The following AFG2A variants were observed in gnomAD, a reference collection of about 807,000 sequenced individuals.
The protein encoded by AFG2A is AAA ATPase AFG2A, also known as ATPase family gene 2 protein homolog A.
At chr4:123,041,314 G>T in the AFG2A span, among the ~76,000 whole-genome samples, 3 of 139,656 alleles carry the variant, frequency 2.1e-5, no homozygotes, top group Admixed American at 7.4e-5. Context: ...GTAGAGACGG[G>T]GTTTCACCGT....
At chr4:123,025,257 A>G in the AFG2A span, among the ~76,000 whole-genome samples, 3 of 152,210 alleles carry the variant, frequency 2.0e-5, no homozygotes, top group Admixed American at 6.5e-5. Flanking sequence ...ACAAGGAAAA[A>G]TATTAAGCCA....
At chr4:123,178,869 C>T in the AFG2A span, among the ~76,000 whole-genome samples, 20 of 152,178 alleles carry the variant, frequency 1.3e-4, no homozygotes. Context: ...TTTAATTCCA[C>T]ATGCTCCTGT....
At chr4:123,291,087 A>G in the AFG2A span, among the ~76,000 whole-genome samples, 6 of 152,118 alleles carry the variant, frequency 3.9e-5, no homozygotes, top group East Asian at 1.2e-3. Context: ...TTTCGTTTGT[A>G]CTATTATTGA....
the AFG2A span, among the ~76,000 whole-genome samples, chr4:123,182,951 A>G: frequency 6.6e-6 from 1 of 152,252 alleles, no homozygotes; most frequent in East Asian, 1.9e-4. Context: ...TAAGGGGGGA[A>G]GAAAACAGAA....
At chr4:123,200,827 G>A in the AFG2A span, among the ~76,000 whole-genome samples, 5 of 152,322 alleles carry the variant, frequency 3.3e-5, no homozygotes, top group East Asian at 9.6e-4. Flanking sequence ...CACAGCCTTT[G>A]AGTTTCAGCA....
At chr4:122,960,915 C>T in the AFG2A span, among the ~76,000 whole-genome samples, 212 of 152,144 alleles carry the variant, frequency 1.4e-3, 1 homozygote, top group African/African-American at 4.8e-3. Flanking sequence ...ATTCTGTCAA[C>T]GTTGTTTTCT....
the AFG2A span, among the ~76,000 whole-genome samples, chr4:123,157,038 CAG>C: frequency 3.0e-4 from 46 of 151,540 alleles, no homozygotes; most frequent in Admixed American, 6.6e-4. Flanking sequence ...TTTTTTGAGA[CAG>C]AGTCTTGCTC....
At chr4:123,228,713 C>T in the AFG2A span, among the ~76,000 whole-genome samples, 21 of 151,986 alleles carry the variant, frequency 1.4e-4, 1 homozygote, top group Non-Finnish European at 2.8e-4. Flanking sequence ...TAAGAGAAGC[C>T]AAGGGACTTG....
the AFG2A span, chr4:123,315,916 C>T: frequency 6.6e-6 from 1 of 152,220 alleles, no homozygotes; most frequent in Non-Finnish European, 1.5e-5. Flanking sequence ...GTAGCTAGGA[C>T]AACAGGTGCA....
At chr4:123,061,897 G>T in the AFG2A span, among the ~76,000 whole-genome samples, 2 of 152,306 alleles carry the variant, frequency 1.3e-5, no homozygotes, top group Non-Finnish European at 2.9e-5. Context: ...GAGACATCTG[G>T]TTTTGGACCC....
At chr4:122,959,963 T>C in the AFG2A span, among the ~76,000 whole-genome samples, 2 of 152,158 alleles carry the variant, frequency 1.3e-5, no homozygotes, top group African/African-American at 2.4e-5. Flanking sequence ...ATAACAACGT[T>C]TGGTGTTTGT....
the AFG2A span, among the ~76,000 whole-genome samples, chr4:122,946,345 T>C: frequency 6.6e-6 from 1 of 152,262 alleles, no homozygotes; most frequent in African/African-American, 2.4e-5. Flanking sequence ...CTGTTGTGGA[T>C]TAGTATTCTT....
At chr4:123,218,673 A>G in the AFG2A span, among the ~76,000 whole-genome samples, 12 of 152,128 alleles carry the variant, frequency 7.9e-5, no homozygotes, top group Admixed American at 5.9e-4. Context: ...ACATACATAC[A>G]TACATACATA....
chr4:123,096,174 C>CT, the AFG2A span, among the ~76,000 whole-genome samples: 89 of 152,112 alleles, frequency 5.9e-4, 1 homozygote, highest in Non-Finnish European at 1.1e-3. Flanking sequence ...GTCCCCGAGG[C>CT]TTTTTTCTAC....
chr4:122,928,573 C>T, the AFG2A span, among the ~76,000 whole-genome samples: 55 of 152,224 alleles, frequency 3.6e-4, no homozygotes, highest in Middle Eastern at 6.8e-3. Context: ...ATTTTCGCTC[C>T]TCCCTCTTAA....
the AFG2A span, among the ~76,000 whole-genome samples, chr4:123,229,538 A>C: frequency 1.8e-3 from 270 of 152,086 alleles, 1 homozygote; most frequent in Middle Eastern, 0.01. Flanking sequence ...AAGAGTAGAC[A>C]CGAGGATAAA....
chr4:123,060,587 A>G, the AFG2A span, among the ~76,000 whole-genome samples: 1 of 152,242 alleles, frequency 6.6e-6, no homozygotes, highest in South Asian at 2.1e-4. Flanking sequence ...GCTGGGATGC[A>G]GGGCACCAAG....
chr4:123,060,482 C>G, the AFG2A span, among the ~76,000 whole-genome samples: 2 of 152,208 alleles, frequency 1.3e-5, no homozygotes, highest in African/African-American at 4.8e-5. Context: ...ACCGCAGGCT[C>G]AACTCCATGT....
chr4:123,224,379 G>C, the AFG2A span, among the ~76,000 whole-genome samples: 2 of 149,700 alleles, frequency 1.3e-5, no homozygotes, highest in Non-Finnish European at 3.0e-5. Flanking sequence ...TCCCACAACA[G>C]GCCCCGGTGT....
Sources: gnomAD v4.1 joint callset for allele counts (sites outside exome capture counted in the v4.1 genomes callset) on GRCh38, gnomAD v4.1.1 for gene constraint, MANE v1.5 for transcripts, NCBI Gene and HGNC (gene_info 2026-07-23, HGNC 2026-07-21) for gene names.